The following BORCS5 variants were observed in gnomAD, a reference collection of about 807,000 sequenced individuals.
BORCS5 encodes the protein BLOC-1 related complex subunit 5, also known as BLOC-1-related complex subunit 5.
Under a neutral mutation model 22.1 loss-of-function variants are expected in BORCS5, and 17 were observed. That is an observed-to-expected ratio of 0.77 (90% CI 0.53 to 1.15). BORCS5 has a LOEUF of 1.15. BORCS5 is among the 50% of genes most tolerant of loss of function. BORCS5 has a pLI of 0.00. For missense variants in BORCS5, 247 were observed against 253.2 expected (o/e 0.98, Z 0.17); for synonymous variants, 117 against 99.8 (o/e 1.17, Z -1.03).
intron 3 of BORCS5, among the ~76,000 whole-genome samples, chr12:12,438,372 A>AAAAAAAAAAAAAAAAC (rs1942604651): frequency 7.7e-6 from 1 of 129,788 alleles, no homozygotes; most frequent in Non-Finnish European, 1.6e-5. Flanking sequence ...AAAAAAAAAA[A>AAAAAAAAAAAAAAAAC]AAAAAAAACG....
chr12:12,380,380 C>G (rs1310908840), intron 2 of BORCS5, among the ~76,000 whole-genome samples: 2 of 151,368 alleles, frequency 1.3e-5, no homozygotes, highest in African/African-American at 4.9e-5. Context: ...ATGGCTTGAT[C>G]TAATCAGAGA....
chr12:12,435,904 G>A lies in BORCS5; in HGVS notation c.360+119G>A, dbSNP rs898762392. The A allele has an allele frequency of 6.1e-5, 60 of 977,774 alleles. 1 individual carries two copies. In the Middle Eastern group the frequency reaches 2.0e-3, roughly 32 times the overall value. The allele number at this position is 977,774 out of a possible 1,614,324, so 60.6% of individuals were successfully genotyped here. ...GCTTTGAGGAGATTGCTTTTTCCCA[G>A]CAGTAAAATGTGATGATGAAAAAAG... is the stretch of plus-strand genomic sequence containing the variant. On this transcript the variant is annotated intron_variant, in intron 3 of 3. Coordinates refer to ENST00000314565, the MANE Select transcript of BORCS5 (RefSeq NM_058169.6).
At chr12:12,404,399 G>A (rs1432462353) in intron 2 of BORCS5, among the ~76,000 whole-genome samples, 1 of 152,336 alleles carries the variant, frequency 6.6e-6, no homozygotes, top group Non-Finnish European at 1.5e-5. Flanking sequence ...GTCTTCTAGA[G>A]TGGATGAACA....
At chr12:12,397,975 A>T (rs1941390371) in intron 2 of BORCS5, among the ~76,000 whole-genome samples, 1 of 152,164 alleles carries the variant, frequency 6.6e-6, no homozygotes, top group South Asian at 2.1e-4. Flanking sequence ...GGTTAAAATT[A>T]TCGTTATCTT....
At chr12:12,453,212 T>C (rs189450234) in intron 3 of BORCS5, among the ~76,000 whole-genome samples, 8 of 152,366 alleles carry the variant, frequency 5.3e-5, no homozygotes, top group Admixed American at 2.6e-4. Flanking sequence ...GCTGTAAATA[T>C]ATAGTTTTTA....
intron 3 of BORCS5, among the ~76,000 whole-genome samples, chr12:12,456,864 A>C (rs1943006847): frequency 8.7e-6 from 1 of 114,592 alleles, no homozygotes; most frequent in African/African-American, 4.9e-5. Context: ...ATGTCAGCAA[A>C]AAACACAATG....
chr12:12,360,601 G>A (rs1044414313), intron 1 of BORCS5, among the ~76,000 whole-genome samples: 1 of 141,282 alleles, frequency 7.1e-6, no homozygotes, highest in Non-Finnish European at 1.5e-5. Flanking sequence ...TTTAGAGATA[G>A]GGTCTCACTA....
intron 3 of BORCS5, among the ~76,000 whole-genome samples, chr12:12,458,477 CTTTG>C (rs1388369473): frequency 1.3e-5 from 2 of 151,314 alleles, no homozygotes; most frequent in South Asian, 2.1e-4. Context: ...TTTTTTCTTT[CTTTG>C]TTTATTTTTG....
intron 2 of BORCS5, among the ~76,000 whole-genome samples, chr12:12,421,638 C>T (rs999388314): frequency 6.6e-6 from 1 of 152,194 alleles, no homozygotes; most frequent in East Asian, 1.9e-4. Flanking sequence ...ACCAGCTCCT[C>T]TTTGTACCTC....
At chr12:12,369,756 G>C (rs1382927648) in intron 2 of BORCS5, among the ~76,000 whole-genome samples, 6 of 90,756 alleles carry the variant, frequency 6.6e-5, no homozygotes, top group Non-Finnish European at 1.2e-4. Context: ...AAAAAGTCTT[G>C]CTCTGTGGCC....
rs987732135 is a variant in BORCS5, at chr12:12,415,660, G to C, written c.203-19968G>C. ...GATTTTCGTGTGTTGAATCATCCTT[G>C]TGTTCCAGGAATAAATCTCACTTGG... is the stretch of plus-strand genomic sequence containing the variant. On this transcript the variant is annotated intron_variant, in intron 2 of 3. Coordinates refer to ENST00000314565, the MANE Select transcript of BORCS5 (RefSeq NM_058169.6). 4.6e-5 allele frequency among the ~76,000 whole-genome samples: 7 copies of C among 150,606 alleles called. No homozygotes were observed. The Admixed American group carries it at 4.7e-4, about 10-fold the overall frequency.
chr12:12,432,070 A>G (rs2136120545), intron 2 of BORCS5, among the ~76,000 whole-genome samples: 1 of 152,334 alleles, frequency 6.6e-6, no homozygotes, highest in South Asian at 2.1e-4. Context: ...AATAGGAGGA[A>G]AAAGGCTTCC....
At chr12:12,426,635 G>T (rs1356994265) in intron 2 of BORCS5, among the ~76,000 whole-genome samples, 1 of 152,186 alleles carries the variant, frequency 6.6e-6, no homozygotes, top group African/African-American at 2.4e-5. Context: ...ACTTCTCTGA[G>T]ACTTAAGAAA....
chr12:12,413,225 C>A (rs1183679827), intron 2 of BORCS5, among the ~76,000 whole-genome samples: 1 of 90,286 alleles, frequency 1.1e-5, no homozygotes, highest in African/African-American at 6.3e-5. Context: ...GAGGACCCTG[C>A]GGCCTTCCGC....
rs1943266790 is a variant in BORCS5 at position 12,470,074 on chromosome 12, T to C, written c.*4298T>C. Among the ~76,000 whole-genome samples the C allele has an allele frequency of 6.6e-6, 1 of 151,846 alleles. No individual in the cohort carries two copies. Among genetic ancestry groups the C allele is most frequent in the Admixed American group, 6.6e-5 (1 of 15,236 alleles). On this transcript the variant is annotated 3_prime_UTR_variant, in exon 4 of 4. Transcript: ENST00000314565. Reference sequence around the variant, plus strand: ...TGAGCAGGTGAAGCTTCACGTGTTGTTGTTGTTGTTTATTGAGATGGAGTC... The same window carrying C: ...TGAGCAGGTGAAGCTTCACGTGTTGCTGTTGTTGTTTATTGAGATGGAGTC...
rs114758383 is a variant in BORCS5, at chr12:12,377,596, G to A, written c.202+16247G>A. Among the ~76,000 whole-genome samples the A allele has an allele frequency of 7.5e-3, 1,146 of 152,054 alleles. 22 individuals are homozygous for A. The highest frequency in any genetic ancestry group is 0.026 in the African/African-American group (1,087 of 41,480). Reference sequence around the variant, plus strand: ...ATTAGGGTAGTATACTAGATGTCATGGGGGAAAAGATAGCTCACAGGTCCT... The same window carrying A: ...ATTAGGGTAGTATACTAGATGTCATAGGGGAAAAGATAGCTCACAGGTCCT... On this transcript the variant is annotated intron_variant, in intron 2 of 3. Coordinates refer to ENST00000314565, the MANE Select transcript of BORCS5 (RefSeq NM_058169.6).
intron 2 of BORCS5, among the ~76,000 whole-genome samples, chr12:12,380,517 A>C (rs1265520059): frequency 1.3e-5 from 2 of 151,512 alleles, no homozygotes; most frequent in Non-Finnish European, 3.0e-5. Context: ...GGAATCATAC[A>C]ATACATACTC....
In BORCS5 at chr12:12,385,373, C is replaced by T. The variant is rs147976409; in HGVS notation, c.202+24024C>T. ...CCTATTGTTCCAAATAAGTCAGCAG[C>T]CGCTTCCTGCTAAAGCAGGAAAGCT... On this transcript the variant is annotated intron_variant, in intron 2 of 3. Transcript: ENST00000314565. 7.5e-3 allele frequency among the ~76,000 whole-genome samples: 1,134 copies of T among 151,580 alleles called. 49 individuals are homozygous for T. The highest frequency in any genetic ancestry group is 0.026 in the African/African-American group (1,061 of 41,334).
intron 2 of BORCS5, among the ~76,000 whole-genome samples, chr12:12,391,332 G>A (rs9645752): frequency 0.41 from 62,503 of 151,672 alleles, 13,351 homozygotes; most frequent in Non-Finnish European, 0.46. Context: ...ACATTGGTAG[G>A]TGGTAAAGTG....
Sources: allele counts gnomAD v4.1 joint callset (sites outside exome capture counted in the v4.1 genomes callset), GRCh38; gene constraint gnomAD v4.1.1; transcripts MANE v1.5; gene names NCBI Gene and HGNC (gene_info 2026-07-23, HGNC 2026-07-21).